USP4: variants seen among roughly 807,000 people sequenced by gnomAD.
The protein encoded by USP4 is ubiquitin specific peptidase 4.
A neutral mutation model predicts 118.2 loss-of-function variants in USP4; 72 were observed. The ratio of observed to expected loss-of-function variants is 0.61; its 90% CI spans 0.50 to 0.74. The LOEUF (loss-of-function observed/expected upper bound fraction) is 0.74. Among genes scored for constraint, USP4 ranks in the 30% least tolerant of loss-of-function variants. USP4 has a pLI of 0.00. For missense variants in USP4, 1,037 were observed against 1,185.7 expected, an observed-to-expected ratio of 0.87 and a Z score of 1.84; for synonymous variants, 415 against 440.4, an observed-to-expected ratio of 0.94 and a Z score of 0.72.
chr3:49,285,002 C>T, intron 16 of USP4, 83 bp from the exon 17 acceptor site: 1 of 1,013,006 alleles, frequency 9.9e-7, no homozygotes, highest in African/African-American at 1.6e-5. Flanking sequence ...AGAAGGACCA[C>T]ACTCAGGCCA....
chr3:49,316,841 C>A, intron 6 of USP4: 1 of 563,604 alleles, frequency 1.8e-6, no homozygotes, highest in Non-Finnish European at 3.2e-6. Context: ...GCCGCAGAGA[C>A]AGGCCCCTTG....
intron 6 of USP4, among the ~76,000 whole-genome samples, chr3:49,320,399 G>A (rs1193379726): frequency 6.6e-6 from 1 of 152,004 alleles, no homozygotes; most frequent in African/African-American, 2.4e-5. Context: ...CCAAGATCGC[G>A]CCATTACACT....
intron 2 of USP4, among the ~76,000 whole-genome samples, chr3:49,330,320 G>A (rs2047602217): frequency 6.6e-6 from 1 of 151,832 alleles, no homozygotes; most frequent in South Asian, 2.1e-4. Flanking sequence ...TAGGTACATT[G>A]CAATGGAGCA....
intron 6 of USP4, chr3:49,316,920 C>A: frequency 1.6e-6 from 1 of 614,862 alleles, no homozygotes; most frequent in South Asian, 1.9e-5. Flanking sequence ...ACAGGCTGTG[C>A]CCCGGGCTTG....
intron 6 of USP4, among the ~76,000 whole-genome samples, chr3:49,320,999 G>C (rs563878968): frequency 6.6e-6 from 1 of 152,166 alleles, no homozygotes; most frequent in Non-Finnish European, 1.5e-5. Flanking sequence ...TAGCCAATGA[G>C]ATACAAAGGA....
intron 19 of USP4, among the ~76,000 whole-genome samples, chr3:49,282,308 T>G (rs2047039457): frequency 6.6e-6 from 1 of 152,152 alleles, no homozygotes; most frequent in African/African-American, 2.4e-5. Flanking sequence ...GGAGTCTCGC[T>G]GTGTCGTCCG....
chr3:49,281,273 G>A (rs976559055), intron 19 of USP4, among the ~76,000 whole-genome samples: 4 of 151,816 alleles, frequency 2.6e-5, no homozygotes, highest in African/African-American at 9.7e-5. Flanking sequence ...TGGCTAACAC[G>A]GTGAAACCCT....
chr3:49,317,615 C>T, intron 6 of USP4: 1 of 581,490 alleles, frequency 1.7e-6, no homozygotes, highest in Non-Finnish European at 3.0e-6. Flanking sequence ...GATATCGGCT[C>T]ACTGCATGCT....
At chr3:49,288,209 C>T (rs893727423) in intron 15 of USP4, among the ~76,000 whole-genome samples, 1 of 152,162 alleles carries the variant, frequency 6.6e-6, no homozygotes, top group African/African-American at 2.4e-5. Flanking sequence ...AAAACCTGCC[C>T]TGCCTGCTGC....
rs1012639330 is a variant in USP4, at chr3:49,284,901, A to G, written c.2219T>C (p.Met740Thr). ...LKLNSRSTLA[M>T]DWDSETRRLY... ...TCTCCGAGTTTCACTGTCCCAATCC[A>G]TGGCCAGTGTAGATCGAGCTGAGGA... Residue 740 changes from methionine (M) to threonine (T), a missense_variant, in exon 17 of 22, where the codon ATG becomes ACG. Transcript: ENST00000265560. 16 of 1,613,128 alleles carry G rather than the reference A, an allele frequency of 9.9e-6. No individual in the cohort carries two copies. Among genetic ancestry groups the G allele is most frequent in the Non-Finnish European group, 1.4e-5 (16 of 1,179,536 alleles).
At position 49,278,303 on chromosome 3, in the gene USP4, T is replaced by C. The variant is rs2107760599; in HGVS notation, c.2882A>G (p.Asp961Gly). The C allele has an allele frequency of 6.2e-7, 1 of 1,613,640 alleles. No homozygotes were observed. Among genetic ancestry groups the C allele is most frequent in the African/African-American group, 1.3e-5 (1 of 75,000 alleles). ...GFGDDEACSM[D>G]TN Reference sequence around the variant, plus strand: ...ATCGTGGAGTCAGCATTAGTTGGTGTCCATGCTGCAAGCCTCATCATCCCC... The same window carrying C: ...ATCGTGGAGTCAGCATTAGTTGGTGCCCATGCTGCAAGCCTCATCATCCCC... The change falls in exon 22 of 22, where the codon GAC becomes GGC. Residue 961 changes from aspartate to glycine, a missense_variant. By Grantham distance (94) the Asp-to-Gly change is moderately conservative. Around this residue, in one of 3 missense-constraint regions of USP4, gnomAD observed 522 missense variants for 592.6 expected, o/e 0.88. Transcript: ENST00000265560.
At chr3:49,312,806 A>T (rs1431222948) in intron 6 of USP4, 1 of 154,548 alleles carries the variant, frequency 6.5e-6, no homozygotes, top group South Asian at 1.8e-4. Flanking sequence ...AAAAAAAAAC[A>T]ACAAAAAAAA....
intron 11 of USP4, among the ~76,000 whole-genome samples, chr3:49,300,107 C>T (rs999887176): frequency 1.3e-5 from 2 of 152,000 alleles, no homozygotes; most frequent in Non-Finnish European, 2.9e-5. Flanking sequence ...ATTAGCTGAG[C>T]GTGGTGGTAC....
In USP4 at chr3:49,284,570, A is replaced by C. The variant is rs2047074015; in HGVS notation, c.2286T>G (p.His762Gln). The C allele has an allele frequency of 6.2e-7, 1 of 1,613,910 alleles. No homozygotes were observed. The highest frequency in any genetic ancestry group is 8.5e-7 in the Non-Finnish European group (1 of 1,179,992). The change falls in exon 18 of 22, where the codon CAT becomes CAG. Residue 762 changes from histidine to glutamine, a missense_variant. This residue lies in a region of USP4 where 522 missense variants were observed against 592.6 expected (regional missense o/e 0.88). Transcript: ENST00000265560. ...DEQESEAYEK[H>Q]VSMLQPQKKK... ...TCTTCTGAGGCTGCAACATGCTCAC[A>C]TGCTTCTCGTAGGCCTATGGGAATC...
intron 13 of USP4, among the ~76,000 whole-genome samples, chr3:49,295,722 ACACACACACACACC>A (rs2047200100): frequency 6.7e-6 from 1 of 149,996 alleles, no homozygotes; most frequent in Non-Finnish European, 1.5e-5. Context: ...GCGCACACAC[ACACACACACACACC>A]CCCCCCTCCC....
chr3:49,289,200 C>T (rs1049704964), intron 15 of USP4, among the ~76,000 whole-genome samples: 6 of 152,156 alleles, frequency 3.9e-5, no homozygotes, highest in Non-Finnish European at 7.3e-5. Context: ...CTCATTGTCC[C>T]GGACATGCCT....
intron 6 of USP4, among the ~76,000 whole-genome samples, chr3:49,321,206 A>G (rs1420116497): frequency 6.6e-6 from 1 of 152,224 alleles, no homozygotes; most frequent in Admixed American, 6.5e-5. Flanking sequence ...AGCCTTTCCT[A>G]ACTGACGTAG....
At chr3:49,281,570 C>T (rs867018255) in intron 19 of USP4, among the ~76,000 whole-genome samples, 2 of 150,440 alleles carry the variant, frequency 1.3e-5, no homozygotes, top group Non-Finnish European at 3.0e-5. Context: ...ACAAATTAGC[C>T]GGGCATGGTG....
chr3:49,284,037 G>A lies in USP4; in HGVS notation c.2490C>T (p.Tyr830=). 2 of 1,614,254 alleles carry A rather than the reference G, an allele frequency of 1.2e-6. No individual in the cohort carries two copies. The highest frequency in any genetic ancestry group is 1.7e-6 in the Non-Finnish European group (2 of 1,180,042). The stretch of plus-strand genomic sequence containing the variant: ...CGAGCTTATCCCTCCAGTATCTGTT[G>A]TAGGAGAAACGTTTGAGGTGGACCA... ...ILVVHLKRFS[Y]NRYWRDKLDT... is the part of the protein sequence containing the mutation. Residue 830 remains tyrosine (Y), a synonymous_variant, in exon 19 of 22, where the codon TAC becomes TAT. Transcript: ENST00000265560.
Sources: gnomAD v4.1 joint callset for allele counts (sites outside exome capture counted in the v4.1 genomes callset) on GRCh38, gnomAD v4.1.1 for gene constraint, gnomAD v4.1.1 regional missense constraint, MANE v1.5 for transcripts, NCBI Gene and HGNC (gene_info 2026-07-23, HGNC 2026-07-21) for gene names.